TLE4: variants seen among roughly 807,000 people sequenced by gnomAD.
The protein encoded by TLE4 is transducin-like enhancer protein 4.
A neutral mutation model predicts 92.8 loss-of-function variants in TLE4; 8 were observed. The observed-to-expected ratio is 0.09, with a 90% confidence interval of 0.05 to 0.16. The LOEUF is 0.16. Among genes scored for constraint, TLE4 ranks in the 10% least tolerant of loss-of-function variants. The pLI, the probability that TLE4 is intolerant of heterozygous loss-of-function variation, is 1.00. For synonymous variants in TLE4, 371 were observed against 374.1 expected, an observed-to-expected ratio of 0.99 and a Z score of 0.10; for missense variants, 675 against 997.6, an observed-to-expected ratio of 0.68 and a Z score of 4.36.
At chr9:79,588,338 C>T (rs7024523) in intron 4 of TLE4, among the ~76,000 whole-genome samples, 95 of 152,094 alleles carry the variant, frequency 6.2e-4, no homozygotes, top group African/African-American at 2.2e-3. Context: ...TTAGTAGAGA[C>T]GGGGTTTCAC....
intron 8 of TLE4, among the ~76,000 whole-genome samples, chr9:79,676,437 T>C (rs2135082148): frequency 6.6e-6 from 1 of 152,272 alleles, no homozygotes; most frequent in Non-Finnish European, 1.5e-5. Context: ...AACAATTTGA[T>C]ATAACACTGG....
intron 1 of TLE4, 37 bp from the exon 2 acceptor site, chr9:79,573,652 A>T (rs941557541): frequency 6.6e-7 from 1 of 1,522,642 alleles, no homozygotes; most frequent in South Asian, 1.2e-5. Flanking sequence ...TTCGCCTGTG[A>T]TGTGGGCTAA....
At chr9:79,623,806 C>CCCCT (rs1450565787) in intron 5 of TLE4, among the ~76,000 whole-genome samples, 2 of 151,134 alleles carry the variant, frequency 1.3e-5, no homozygotes, top group Non-Finnish European at 2.9e-5. Flanking sequence ...AGTTAGAGGT[C>CCCCT]CCCTCTCTTA....
chr9:79,618,006 A>G (rs1478554015), intron 5 of TLE4, among the ~76,000 whole-genome samples: 1 of 152,158 alleles, frequency 6.6e-6, no homozygotes, highest in Non-Finnish European at 1.5e-5. Context: ...CAGGAAAGAG[A>G]AAGGAATGGG....
At chr9:79,646,709 AT>A (rs1382980463) in intron 6 of TLE4, among the ~76,000 whole-genome samples, 2 of 152,188 alleles carry the variant, frequency 1.3e-5, no homozygotes, top group African/African-American at 2.4e-5. Flanking sequence ...AAGGGGTCTC[AT>A]TTATTAATGT....
chr9:79,593,108 A>G (rs750151316), intron 4 of TLE4, among the ~76,000 whole-genome samples: 10 of 152,190 alleles, frequency 6.6e-5, no homozygotes, highest in Non-Finnish European at 1.3e-4. Flanking sequence ...AACAGCAGTG[A>G]TAGTAAGGAA....
intron 19 of TLE4, among the ~76,000 whole-genome samples, chr9:79,724,583 G>A (rs1010534637): frequency 4.7e-4 from 72 of 151,972 alleles, no homozygotes; most frequent in Non-Finnish European, 7.5e-4. Context: ...GCTCATGCCT[G>A]TAATCTCAGG....
chr9:79,586,434 C>T (rs1294226742), intron 4 of TLE4, among the ~76,000 whole-genome samples: 1 of 151,790 alleles, frequency 6.6e-6, no homozygotes, highest in Non-Finnish European at 1.5e-5. Context: ...CAATAATTTT[C>T]TTCCAAAGAT....
intron 5 of TLE4, among the ~76,000 whole-genome samples, chr9:79,616,025 C>T (rs1275387285): frequency 2.6e-5 from 4 of 152,172 alleles, no homozygotes; most frequent in Non-Finnish European, 5.9e-5. Flanking sequence ...TCTTTTCTCT[C>T]ACTTCACTTT....
rs1240105578 is a variant in TLE4, at chr9:79,708,573, C to G, written c.1070-20C>G. The G allele has an allele frequency of 6.3e-7, 1 of 1,595,288 alleles. No homozygotes were observed. The highest frequency in any genetic ancestry group is 1.8e-5 in the Admixed American group (1 of 57,068). ...GTTTCCTGTGTTCTTCATTTTTCTT[C>G]CATCCATTTTGGTTTGCAGCCTCAA... On this transcript the variant is annotated intron_variant, in intron 12 of 19. Coordinates refer to ENST00000376552, the MANE Select transcript of TLE4 (RefSeq NM_007005.6).
chr9:79,725,250 C>T lies in TLE4; in HGVS notation c.*106C>T, dbSNP rs1225890576. The T allele has an allele frequency of 1.4e-6, 1 of 729,116 alleles. No homozygotes were observed. Among genetic ancestry groups the T allele is most frequent in the East Asian group, 2.8e-5 (1 of 36,290 alleles). The allele number at this position is 729,116 out of a possible 1,614,324, so 45.2% of individuals were successfully genotyped here. ...CATCTAAAACCAAGGATTTCAGATA[C>T]TCATTGCAGTTGTGGAGTTTAATCC... is the stretch of plus-strand genomic sequence containing the variant. On this transcript the variant is annotated 3_prime_UTR_variant, in exon 20 of 20. Coordinates refer to ENST00000376552, the MANE Select transcript of TLE4 (RefSeq NM_007005.6).
chr9:79,577,573 C>A (rs1230532805), intron 4 of TLE4, among the ~76,000 whole-genome samples: 1 of 152,134 alleles, frequency 6.6e-6, no homozygotes, highest in Non-Finnish European at 1.5e-5. Context: ...GGATGGACTT[C>A]TCTTAGTTCT....
intron 8 of TLE4, among the ~76,000 whole-genome samples, chr9:79,698,784 G>C (rs966621450): frequency 3.3e-5 from 5 of 151,516 alleles, no homozygotes; most frequent in African/African-American, 1.2e-4. Flanking sequence ...TAGTATGTGA[G>C]ACTTGTGCAT....
At chr9:79,623,244 G>A (rs890642189) in intron 5 of TLE4, among the ~76,000 whole-genome samples, 1 of 150,972 alleles carries the variant, frequency 6.6e-6, no homozygotes, top group Non-Finnish European at 1.5e-5. Context: ...TTTTTATTAC[G>A]GTTTTTTATT....
intron 8 of TLE4, among the ~76,000 whole-genome samples, chr9:79,662,656 C>G (rs542220715): frequency 6.6e-6 from 1 of 152,238 alleles, no homozygotes; most frequent in East Asian, 1.9e-4. Flanking sequence ...GAGAATCTTG[C>G]CTCCTTCGAT....
intron 8 of TLE4, among the ~76,000 whole-genome samples, chr9:79,669,832 G>T (rs1469204576): frequency 6.6e-6 from 1 of 152,212 alleles, no homozygotes; most frequent in Admixed American, 6.5e-5. Flanking sequence ...ATCCTAGAGA[G>T]CAGTGACCAG....
At chr9:79,687,284 G>A (rs937263009) in intron 8 of TLE4, among the ~76,000 whole-genome samples, 1 of 152,118 alleles carries the variant, frequency 6.6e-6, no homozygotes, top group Non-Finnish European at 1.5e-5. Context: ...ATACAGAAGC[G>A]CAATTCACAT....
chr9:79,636,130 T>C (rs2055744286), intron 6 of TLE4, among the ~76,000 whole-genome samples: 1 of 152,064 alleles, frequency 6.6e-6, no homozygotes, highest in African/African-American at 2.4e-5. Flanking sequence ...AAAATAGAAA[T>C]AGGATCTATT....
intron 12 of TLE4, 40 bp downstream of exon 12, chr9:79,708,290 T>G (rs2072249101): frequency 6.2e-7 from 1 of 1,601,950 alleles, no homozygotes; most frequent in Non-Finnish European, 8.5e-7. Flanking sequence ...TTTATGCTCG[T>G]TTTTAAGAAT....
Sources: gnomAD v4.1 joint callset for allele counts (sites outside exome capture counted in the v4.1 genomes callset) on GRCh38, gnomAD v4.1.1 for gene constraint, MANE v1.5 for transcripts, NCBI Gene and HGNC (gene_info 2026-07-23, HGNC 2026-07-21) for gene names.